Variants in KDM2B observed in about 807,000 individuals in gnomAD.
The protein encoded by KDM2B is lysine-specific demethylase 2B.
KDM2B carries 26 observed loss-of-function variants against 150.0 expected under a neutral mutation model. The observed-to-expected ratio is 0.17, with a 90% CI of 0.13 to 0.24. The LOEUF (loss-of-function observed/expected upper bound fraction) is 0.24, where lower values mean the gene tolerates loss of function less well. KDM2B is among the 10% of genes least tolerant of loss of function. The probability of loss-of-function intolerance (pLI) is 1.00; values close to 1 mark genes in which losing one functional copy is unlikely to be tolerated. For synonymous variants in KDM2B, 734 were observed against 729.5 expected (o/e 1.01, Z -0.10); for missense variants, 1,265 against 1,816.9 (o/e 0.70, Z 5.52).
chr12:121,568,866 TAAA>T (rs56132369), intron 4 of KDM2B, among the ~76,000 whole-genome samples: 15,375 of 139,846 alleles, frequency 0.11, 1,708 homozygotes, highest in African/African-American at 0.29. Context: ...GCTTTTTTGT[TAAA>T]AAAAAAAAAA....
chr12:121,422,177 T>A, the KDM2B span, among the ~76,000 whole-genome samples: 1 of 152,262 alleles, frequency 6.6e-6, no homozygotes, highest in African/African-American at 2.4e-5. Context: ...GTTGTTATTA[T>A]GACAGCATGG....
chr12:121,558,843 A>G (rs1366986898), intron 4 of KDM2B, among the ~76,000 whole-genome samples: 6 of 152,006 alleles, frequency 3.9e-5, no homozygotes, highest in Admixed American at 6.6e-5. Flanking sequence ...TGCCCACCTC[A>G]GCCTCTGAAA....
rs189243194 is a variant in KDM2B at position 121,441,556 on chromosome 12, C to A, written c.3285-323G>T. ...GGTTCAAGCTATTCTCCTGCCTCAG[C>A]CTCCCGAGTAGCTGGGATTACAGGT... is the stretch of plus-strand genomic sequence containing the variant. On this transcript the variant is annotated intron_variant, in intron 19 of 22. Coordinates refer to ENST00000377071, the MANE Select transcript of KDM2B (RefSeq NM_032590.5). Among the ~76,000 whole-genome samples, 306 of 152,308 alleles carry A rather than the reference C, an allele frequency of 2.0e-3. 3 individuals carry two copies. Among genetic ancestry groups the A allele is most frequent in the African/African-American group, 7.0e-3 (292 of 41,566 alleles).
intron 13 of KDM2B, among the ~76,000 whole-genome samples, chr12:121,450,369 G>A (rs149008958): frequency 7.3e-4 from 110 of 151,706 alleles, no homozygotes; most frequent in Non-Finnish European, 9.6e-4. Flanking sequence ...GTTTAAAAAC[G>A]GGCTAAGGAC....
chr12:121,536,451 C>G (rs1888105465), intron 6 of KDM2B, among the ~76,000 whole-genome samples: 1 of 152,200 alleles, frequency 6.6e-6, no homozygotes, highest in African/African-American at 2.4e-5. Flanking sequence ...AAAGTCCCGA[C>G]TCTGGGCTCC....
At chr12:121,490,612 C>T (rs1195410167) in intron 12 of KDM2B, among the ~76,000 whole-genome samples, 2 of 152,194 alleles carry the variant, frequency 1.3e-5, no homozygotes, top group Non-Finnish European at 2.9e-5. Context: ...TTCCTTCACC[C>T]AGCCTGTAAG....
At chr12:121,444,588 C>T (rs376798464) in intron 14 of KDM2B, 52 bp from the exon 15 acceptor site, 21 of 1,479,184 alleles carry the variant, frequency 1.4e-5, no homozygotes, top group African/African-American at 8.3e-5. Flanking sequence ...AGATGGCCCA[C>T]GGGCACAAGG....
chr12:121,558,394 G>C (rs1249580496), intron 4 of KDM2B, among the ~76,000 whole-genome samples: 1 of 151,982 alleles, frequency 6.6e-6, no homozygotes, highest in African/African-American at 2.4e-5. Context: ...CCCTGGGACA[G>C]CACGGCTCAA....
At chr12:121,432,706 G>A (rs1324504231) in intron 22 of KDM2B, among the ~76,000 whole-genome samples, 1 of 152,176 alleles carries the variant, frequency 6.6e-6, no homozygotes, top group Admixed American at 6.5e-5. Flanking sequence ...CTTCCATCTT[G>A]ACCCTGTTCC....
intron 6 of KDM2B, among the ~76,000 whole-genome samples, chr12:121,544,418 T>C (rs1031870059): frequency 7.9e-5 from 12 of 152,032 alleles, no homozygotes; most frequent in Non-Finnish European, 1.8e-4. Flanking sequence ...AAGACCAGCT[T>C]GGCCAACATG....
chr12:121,451,002 G>C (rs1555291507), intron 13 of KDM2B, among the ~76,000 whole-genome samples: 3 of 152,158 alleles, frequency 2.0e-5, no homozygotes, highest in South Asian at 2.1e-4. Flanking sequence ...GCCCACTTCT[G>C]GGCATGGAGT....
At chr12:121,581,176 G>A (rs1891943763), upstream of KDM2B, 5 of 395,264 alleles carry the variant, frequency 1.3e-5, no homozygotes, top group South Asian at 2.4e-4. Flanking sequence ...TCTTGCGCTC[G>A]GCAAGGGGAG....
downstream of KDM2B, among the ~76,000 whole-genome samples, chr12:121,426,739 C>T (rs1872532393): frequency 4.6e-5 from 7 of 150,934 alleles, no homozygotes; most frequent in Admixed American, 4.6e-4. Flanking sequence ...GATTCTTCTG[C>T]CTTTTCCTCC....
intron 6 of KDM2B, among the ~76,000 whole-genome samples, chr12:121,545,721 C>T (rs1010071997): frequency 1.3e-5 from 2 of 152,152 alleles, no homozygotes; most frequent in Non-Finnish European, 2.9e-5. Flanking sequence ...AACAAGAGGA[C>T]CTGCAGAATG....
In KDM2B at chr12:121,440,060, C is replaced by A; in HGVS notation, c.3626G>T (p.Arg1209Leu). ...CTCCACGATGTTCCGGAGCTTGCTC[C>A]GATTGTCCATCTGACCTGGTGGGGC... ...TDNRPGQMDN[R>L]SKLRNIVELR... The change falls in exon 22 of 23, where the codon CGG (arginine) becomes CTG (leucine). Residue 1209 changes from arginine (R) to leucine (L), a missense_variant. This residue lies in a region of KDM2B where 251 missense variants were observed against 397.8 expected (regional missense o/e 0.63). Transcript: ENST00000377071. 6.2e-7 allele frequency: 1 copy of A among 1,606,374 alleles called. No individual in the cohort carries two copies. The highest frequency in any genetic ancestry group is 8.5e-7 in the Non-Finnish European group (1 of 1,176,874).
intron 12 of KDM2B, among the ~76,000 whole-genome samples, chr12:121,486,789 A>G (rs782358248): frequency 4.6e-5 from 7 of 151,712 alleles, no homozygotes; most frequent in Non-Finnish European, 8.8e-5. Flanking sequence ...TCTGTCTCCA[A>G]TAATAATAAT....
intron 11 of KDM2B, among the ~76,000 whole-genome samples, chr12:121,495,472 A>AT (rs1344791757): frequency 6.6e-6 from 1 of 151,960 alleles, no homozygotes; most frequent in African/African-American, 2.4e-5. Flanking sequence ...TAATTTTTAA[A>AT]TTTTTTTGTG....
chr12:121,447,940 A>G (rs1566275366), intron 13 of KDM2B, among the ~76,000 whole-genome samples: 1 of 152,096 alleles, frequency 6.6e-6, no homozygotes, highest in Non-Finnish European at 1.5e-5. Flanking sequence ...TGCAGGCATT[A>G]GCCACCGCGC....
rs1184968351 is a variant in KDM2B at position 121,513,076 on chromosome 12, C to A, written c.1174+200G>T. On this transcript the variant is annotated intron_variant, in intron 10 of 22. Transcript: ENST00000377071. The surrounding 1 kb of genome is among the most constrained non-coding windows in gnomAD (Gnocchi z 5.0). ...CCACACACGTGACTCTTTTGGGGAT[C>A]CGAATTCATTTTCTTGGACTCTGTA... Among the ~76,000 whole-genome samples the A allele has an allele frequency of 4.6e-5, 7 of 152,240 alleles. No homozygotes were observed.
Sources: gnomAD v4.1 joint callset for allele counts (sites outside exome capture counted in the v4.1 genomes callset) on GRCh38, gnomAD v4.1.1 for gene constraint, gnomAD v4.1.1 regional missense constraint, Gnocchi (gnomAD v3.1) non-coding constraint, MANE v1.5 for transcripts, NCBI Gene and HGNC (gene_info 2026-07-23, HGNC 2026-07-21) for gene names.